The following ESRRG variants were observed in gnomAD, a reference collection of about 807,000 sequenced individuals.
ESRRG encodes the protein estrogen related receptor gamma, also known as estrogen-related receptor gamma.
Under a neutral mutation model 44.0 loss-of-function variants are expected in ESRRG, and 13 were observed. The ratio of observed to expected loss-of-function variants is 0.30; its 90% CI spans 0.19 to 0.47. The LOEUF (loss-of-function observed/expected upper bound fraction) is 0.47, where lower values mean the gene tolerates loss of function less well. ESRRG is among the 20% of genes least tolerant of loss of function. The pLI, the probability that ESRRG is intolerant of heterozygous loss-of-function variation, is 1.00. For missense variants in ESRRG, 395 were observed against 580.6 expected, an observed-to-expected ratio of 0.68 and a Z score of 3.29; for synonymous variants, 215 against 214.6, an observed-to-expected ratio of 1.00 and a Z score of -0.02.
rs2093623492 is a variant in ESRRG at position 216,776,538 on chromosome 1, T to G, written c.-13-99047A>C. On this transcript the variant is annotated intron_variant, in intron 2 of 7. Transcript: ENST00000359162. ...TGGAACTATGTCTTATTCGCCATTGTGTCCATAGCATAGTTCCTAGTACAG... is the reference window on the plus strand; with the variant it reads ...TGGAACTATGTCTTATTCGCCATTGGGTCCATAGCATAGTTCCTAGTACAG... 1.3e-5 allele frequency among the ~76,000 whole-genome samples: 2 copies of G among 152,240 alleles called. 1 individual carries two copies.
intron 2 of ESRRG, among the ~76,000 whole-genome samples, chr1:216,759,620 C>T (rs562557965): frequency 6.6e-6 from 1 of 152,086 alleles, no homozygotes; most frequent in East Asian, 1.9e-4. Context: ...TATTGAGTAG[C>T]CACTCAGTCA....
intron 1 of ESRRG, among the ~76,000 whole-genome samples, chr1:216,678,062 G>A (rs2151505691): frequency 6.6e-6 from 1 of 152,268 alleles, no homozygotes; most frequent in East Asian, 1.9e-4. Context: ...GCTTCCATAA[G>A]CATAACTGTG....
At chr1:216,579,317 T>G (rs1198524424) in intron 3 of ESRRG, among the ~76,000 whole-genome samples, 1 of 152,192 alleles carries the variant, frequency 6.6e-6, no homozygotes, top group East Asian at 1.9e-4. Flanking sequence ...TCACATTAAA[T>G]TGATATATCA....
At chr1:216,996,709 A>G (rs1209513613) in intron 1 of ESRRG, among the ~76,000 whole-genome samples, 3 of 152,138 alleles carry the variant, frequency 2.0e-5, no homozygotes, top group Non-Finnish European at 1.5e-5. Flanking sequence ...AATGGAGAGC[A>G]AAACACTATT....
intron 3 of ESRRG, among the ~76,000 whole-genome samples, chr1:216,605,408 CATT>C (rs781061977): frequency 2.0e-4 from 31 of 152,020 alleles, no homozygotes; most frequent in Admixed American, 8.5e-4. Context: ...AAACAGGTAA[CATT>C]ATGATCTTCA....
chr1:216,786,565 A>G (rs1326293767), intron 2 of ESRRG, among the ~76,000 whole-genome samples: 1 of 152,158 alleles, frequency 6.6e-6, no homozygotes, highest in East Asian at 1.9e-4. Flanking sequence ...CCTACATAAG[A>G]TAATATAGAA....
At chr1:216,645,362 G>T (rs1483603417) in intron 3 of ESRRG, among the ~76,000 whole-genome samples, 2 of 151,652 alleles carry the variant, frequency 1.3e-5, no homozygotes, top group African/African-American at 2.4e-5. Flanking sequence ...CATCATCATT[G>T]TAATTATAAG....
intron 1 of ESRRG, among the ~76,000 whole-genome samples, chr1:217,099,685 C>A (rs2092478341): frequency 3.9e-5 from 6 of 152,174 alleles, no homozygotes; most frequent in Admixed American, 3.3e-4. Flanking sequence ...GAGAAACATT[C>A]TCTAGAGTTC....
chr1:216,807,347 G>A (rs1273696788), intron 2 of ESRRG, among the ~76,000 whole-genome samples: 1 of 152,070 alleles, frequency 6.6e-6, no homozygotes, highest in Non-Finnish European at 1.5e-5. Context: ...ATGTGGTTCA[G>A]GTCTGATAGT....
chr1:217,103,507 G>C (rs922024154), intron 1 of ESRRG, among the ~76,000 whole-genome samples: 1 of 151,414 alleles, frequency 6.6e-6, no homozygotes, highest in African/African-American at 2.4e-5. Context: ...TCAAAAAAAG[G>C]TCAGCCAAGC....
intron 1 of ESRRG, among the ~76,000 whole-genome samples, chr1:216,717,201 T>C (rs2085085623): frequency 6.6e-6 from 1 of 151,892 alleles, no homozygotes. Flanking sequence ...GGAAGATACT[T>C]TTGGAAAATC....
At chr1:216,507,507 G>T (rs943733819) in intron 6 of ESRRG, among the ~76,000 whole-genome samples, 2 of 152,094 alleles carry the variant, frequency 1.3e-5, no homozygotes, top group African/African-American at 2.4e-5. Context: ...TCTCATCCAG[G>T]TATATATTCA....
In ESRRG at chr1:217,134,307, C is replaced by G. The variant is rs539881921; in HGVS notation, c.-230+3360G>C. Among the ~76,000 whole-genome samples the G allele has an allele frequency of 5.3e-5, 8 of 152,248 alleles. No individual in the cohort carries two copies. The East Asian group carries it at 1.6e-3, about 30-fold the overall frequency. On this transcript the variant is annotated intron_variant, in intron 1 of 8. Coordinates refer to the ESRRG transcript ENST00000366940. ...TCCCTGCTAATCTATCCGCAAAGAC[C>G]GCCTGGGCACTTTTGGGGGAATGTG...
At chr1:217,107,960 C>T (rs1174449198) in intron 1 of ESRRG, among the ~76,000 whole-genome samples, 1 of 151,904 alleles carries the variant, frequency 6.6e-6, no homozygotes, top group Non-Finnish European at 1.5e-5. Context: ...TTGAGATGAA[C>T]TCTATTTAAA....
intron 6 of ESRRG, among the ~76,000 whole-genome samples, chr1:216,513,216 AAG>A (rs746715825): frequency 1.3e-4 from 20 of 152,216 alleles, no homozygotes; most frequent in Admixed American, 1.3e-4. Context: ...TATAGATAAA[AAG>A]AGAGAGAGAA....
At chr1:216,670,317 A>G (rs1029646659) in intron 2 of ESRRG, among the ~76,000 whole-genome samples, 4 of 152,238 alleles carry the variant, frequency 2.6e-5, no homozygotes, top group African/African-American at 9.6e-5. Context: ...GTAGTAAAGC[A>G]GTTGATTGCA....
chr1:216,761,498 C>G (rs1425305428), intron 2 of ESRRG, among the ~76,000 whole-genome samples: 1 of 152,094 alleles, frequency 6.6e-6, no homozygotes, highest in African/African-American at 2.4e-5. Flanking sequence ...CCAGAAGCAT[C>G]TATCTCAACA....
chr1:216,601,596 C>T (rs1258598759), intron 3 of ESRRG, among the ~76,000 whole-genome samples: 1 of 152,104 alleles, frequency 6.6e-6, no homozygotes, highest in Non-Finnish European at 1.5e-5. Context: ...TTGGGATTTA[C>T]CTATTTCGTA....
intron 2 of ESRRG, among the ~76,000 whole-genome samples, chr1:216,848,237 A>C (rs1318989716): frequency 6.6e-6 from 1 of 152,156 alleles, no homozygotes; most frequent in Non-Finnish European, 1.5e-5. Context: ...TCCTCTGTCA[A>C]GTATGCTTCT....
Sources: allele counts gnomAD v4.1 joint callset (sites outside exome capture counted in the v4.1 genomes callset), GRCh38; gene constraint gnomAD v4.1.1; transcripts MANE v1.5; gene names NCBI Gene and HGNC (gene_info 2026-07-23, HGNC 2026-07-21).